ST7: variants seen among roughly 807,000 people sequenced by gnomAD.
ST7 encodes suppressor of tumorigenicity 7 protein.
A neutral mutation model predicts 78.7 loss-of-function variants in ST7; 28 were observed. That is an observed-to-expected ratio of 0.36 (90% confidence interval 0.26 to 0.49). The LOEUF is 0.49. ST7 is among the 20% of genes least tolerant of loss of function. The probability of loss-of-function intolerance (pLI) is 0.99; values close to 1 mark genes in which losing one functional copy is unlikely to be tolerated. For missense variants in ST7, 418 were observed against 696.0 expected (o/e 0.60, Z 4.49); for synonymous variants, 247 against 249.6 (o/e 0.99, Z 0.10).
intron 1 of ST7, among the ~76,000 whole-genome samples, chr7:117,086,144 A>G (rs1476783023): frequency 1.3e-5 from 2 of 152,126 alleles, no homozygotes; most frequent in Admixed American, 1.3e-4. Context: ...TGTATTTTAA[A>G]AAATGTTTTG....
intron 9 of ST7, among the ~76,000 whole-genome samples, chr7:117,160,775 A>G (rs1222611766): frequency 3.3e-5 from 5 of 152,028 alleles, no homozygotes; most frequent in Admixed American, 2.0e-4. Flanking sequence ...CCAAAATTTT[A>G]TTAGGTAGTC....
chr7:117,165,699 C>A (rs2117238858), intron 9 of ST7, among the ~76,000 whole-genome samples: 1 of 152,194 alleles, frequency 6.6e-6, no homozygotes, highest in African/African-American at 2.4e-5. Context: ...ATGATTGTGA[C>A]AAGGACTCTG....
chr7:117,153,730 C>T (rs934998482), intron 9 of ST7, among the ~76,000 whole-genome samples: 3 of 152,056 alleles, frequency 2.0e-5, no homozygotes, highest in Non-Finnish European at 4.4e-5. Context: ...AGGTGGTTGG[C>T]AATTTGGCAA....
At chr7:117,067,715 G>C (rs1395670076) in intron 1 of ST7, among the ~76,000 whole-genome samples, 2 of 152,158 alleles carry the variant, frequency 1.3e-5, no homozygotes, top group African/African-American at 4.8e-5. Context: ...TAAAAGTTGA[G>C]ATCTACTTGG....
At chr7:117,079,141 C>G (rs930887100) in intron 1 of ST7, among the ~76,000 whole-genome samples, 1 of 152,122 alleles carries the variant, frequency 6.6e-6, no homozygotes, top group Non-Finnish European at 1.5e-5. Context: ...TTGTTTTTTA[C>G]TCATTACTCC....
intron 1 of ST7, among the ~76,000 whole-genome samples, chr7:117,031,467 T>C (rs62470800): frequency 0.92 from 10,200 of 11,118 alleles, 4,707 homozygotes; most frequent in East Asian, 1. Flanking sequence ...TGCATATATA[T>C]GCATATATGT....
chr7:116,977,794 C>A (rs1316777697), intron 1 of ST7, among the ~76,000 whole-genome samples: 1 of 152,196 alleles, frequency 6.6e-6, no homozygotes, highest in Non-Finnish European at 1.5e-5. Context: ...CCTCATGATT[C>A]GTCCGGCCTT....
At chr7:117,142,383 G>A (rs186375064) in intron 9 of ST7, among the ~76,000 whole-genome samples, 2 of 152,154 alleles carry the variant, frequency 1.3e-5, no homozygotes, top group Admixed American at 1.3e-4. Context: ...GGGTCAGATT[G>A]GGGAGCTGCC....
intron 9 of ST7, among the ~76,000 whole-genome samples, chr7:117,153,768 A>T (rs1342652399): frequency 6.6e-6 from 1 of 152,220 alleles, no homozygotes; most frequent in African/African-American, 2.4e-5. Flanking sequence ...TGTAAAGTGT[A>T]TAAAATAGAT....
chr7:117,215,724 G>A (rs1017280756), intron 13 of ST7, among the ~76,000 whole-genome samples: 1 of 152,164 alleles, frequency 6.6e-6, no homozygotes, highest in Non-Finnish European at 1.5e-5. Flanking sequence ...ATTCATCACC[G>A]TGGGAACCTT....
intron 1 of ST7, among the ~76,000 whole-genome samples, chr7:117,082,460 A>T (rs900480922): frequency 2.6e-5 from 4 of 152,234 alleles, no homozygotes; most frequent in Non-Finnish European, 5.9e-5. Context: ...AGAATATTGA[A>T]AAGAAGGTAT....
chr7:117,168,306 T>A (rs1198156516), intron 9 of ST7, among the ~76,000 whole-genome samples: 4 of 152,188 alleles, frequency 2.6e-5, no homozygotes, highest in Non-Finnish European at 5.9e-5. Flanking sequence ...TAAGACTCAG[T>A]TTTTAAGCTT....
At chr7:117,002,474 T>G (rs1298265289) in intron 1 of ST7, among the ~76,000 whole-genome samples, 1 of 152,082 alleles carries the variant, frequency 6.6e-6, no homozygotes, top group South Asian at 2.1e-4. Context: ...ATTTTAGGAT[T>G]TCAAGGTTCT....
intron 1 of ST7, among the ~76,000 whole-genome samples, chr7:117,049,686 G>T (rs2116353461): frequency 6.6e-6 from 1 of 152,254 alleles, no homozygotes; most frequent in South Asian, 2.1e-4. Context: ...CATGAATTTT[G>T]TTTTCTTTGT....
intron 1 of ST7, among the ~76,000 whole-genome samples, chr7:117,042,023 C>CA (rs1247640001): frequency 6.6e-6 from 1 of 152,182 alleles, no homozygotes; most frequent in African/African-American, 2.4e-5. Context: ...GAGAGGGCCA[C>CA]AAGCCAAGGA....
At chr7:117,080,134 C>T (rs1428640560) in intron 1 of ST7, among the ~76,000 whole-genome samples, 5 of 151,630 alleles carry the variant, frequency 3.3e-5, no homozygotes, top group Non-Finnish European at 5.9e-5. Flanking sequence ...GCGCCCGCCA[C>T]TACGCCCGGC....
chr7:117,028,493 A>G (rs1796315881), intron 1 of ST7, among the ~76,000 whole-genome samples: 1 of 151,994 alleles, frequency 6.6e-6, no homozygotes, highest in African/African-American at 2.4e-5. Flanking sequence ...TAGAACACCT[A>G]GTTTTCAGGG....
At chr7:117,221,326 A>T (rs1350779455) in intron 14 of ST7, among the ~76,000 whole-genome samples, 1 of 152,106 alleles carries the variant, frequency 6.6e-6, no homozygotes, top group Non-Finnish European at 1.5e-5. Flanking sequence ...AGCAGTCTTG[A>T]CCTTCCCTCC....
At chr7:117,158,875 A>G (rs1806910025) in intron 9 of ST7, among the ~76,000 whole-genome samples, 1 of 152,220 alleles carries the variant, frequency 6.6e-6, no homozygotes, top group Non-Finnish European at 1.5e-5. Flanking sequence ...AAATAATGTC[A>G]AACTTGCAAC....
Sources: gnomAD v4.1 joint callset for allele counts (sites outside exome capture counted in the v4.1 genomes callset) on GRCh38, gnomAD v4.1.1 for gene constraint, MANE v1.5 for transcripts, NCBI Gene and HGNC (gene_info 2026-07-23, HGNC 2026-07-21) for gene names.